DAAM1: variants seen among roughly 807,000 people sequenced by gnomAD.
The protein encoded by DAAM1 is dishevelled associated activator of morphogenesis 1.
DAAM1 carries 52 observed loss-of-function variants against 130.0 expected under a neutral mutation model. The ratio of observed to expected loss-of-function variants is 0.40; its 90% CI spans 0.32 to 0.50. The LOEUF is 0.50. DAAM1 is among the 20% of genes least tolerant of loss of function. The pLI, the probability that DAAM1 is intolerant of heterozygous loss-of-function variation, is 0.61. For missense variants in DAAM1, 1,134 were observed against 1,303.8 expected (o/e 0.87, Z 2.01); for synonymous variants, 452 against 444.5 (o/e 1.02, Z -0.21).
At chr14:59,325,309 T>C (rs1297435774) in intron 8 of DAAM1, among the ~76,000 whole-genome samples, 2 of 152,212 alleles carry the variant, frequency 1.3e-5, no homozygotes, top group African/African-American at 4.8e-5. Context: ...TCTTTTGTGA[T>C]CTTTAATTCA....
chr14:59,339,974 G>A, intron 15 of DAAM1, 100 bp from the exon 16 acceptor site: 1 of 948,462 alleles, frequency 1.1e-6, no homozygotes, highest in Non-Finnish European at 1.6e-6. Flanking sequence ...GTATACGAGT[G>A]TGTGTATGTG....
At chr14:59,350,741 C>T (rs961224923) in intron 17 of DAAM1, among the ~76,000 whole-genome samples, 1 of 152,138 alleles carries the variant, frequency 6.6e-6, no homozygotes, top group Non-Finnish European at 1.5e-5. Flanking sequence ...ATGCTGTCTT[C>T]CCATGGCCCT....
In DAAM1 at chr14:59,363,847, G is replaced by T; in HGVS notation, c.2826+65G>T. 1.9e-6 allele frequency: 3 copies of T among 1,597,628 alleles called. No homozygotes were observed. In the South Asian group the frequency reaches 3.3e-5, roughly 18 times the overall value. On this transcript the variant is annotated intron_variant, in intron 23 of 24. Transcript: ENST00000360909. ...GCTGGGCTTCAGTGTGATACTTTCA[G>T]TTATTATTCTGTACGGGAAATAGCA...
chr14:59,253,563 T>C (rs1881739861), intron 1 of DAAM1, among the ~76,000 whole-genome samples: 1 of 152,242 alleles, frequency 6.6e-6, no homozygotes. Flanking sequence ...GGCAAAATTT[T>C]GTTTCTTTAT....
chr14:59,220,760 A>G (rs1431401744), intron 1 of DAAM1, among the ~76,000 whole-genome samples: 1 of 152,100 alleles, frequency 6.6e-6, no homozygotes, highest in Non-Finnish European at 1.5e-5. Context: ...AAGACCTAAG[A>G]ACTAGGGGAT....
At chr14:59,214,410 TA>T (rs1197210282) in intron 1 of DAAM1, among the ~76,000 whole-genome samples, 1 of 152,258 alleles carries the variant, frequency 6.6e-6, no homozygotes, top group Non-Finnish European at 1.5e-5. Flanking sequence ...AAGGTCATCC[TA>T]TTTGAAGAGA....
At position 59,231,131 on chromosome 14, in the gene DAAM1, ACTTC is replaced by A. The variant is rs1331611549; in HGVS notation, c.-37-32306_-37-32303del. Among the ~76,000 whole-genome samples, 3 of 152,186 alleles carry A rather than the reference ACTTC, an allele frequency of 2.0e-5. No individual in the cohort carries two copies. The East Asian group carries it at 5.8e-4, about 29-fold the overall frequency. ...AACACACAAGAATATATTCATTTCCACTTCCTTTTTCTTCAAACATATGGCACAG... is the reference window on the plus strand; with the variant it reads ...AACACACAAGAATATATTCATTTCCACTTTTTCTTCAAACATATGGCACAG... On this transcript the variant is annotated intron_variant, in intron 1 of 24. Transcript: ENST00000360909.
chr14:59,250,467 A>G (rs1407427048), intron 1 of DAAM1, among the ~76,000 whole-genome samples: 1 of 152,260 alleles, frequency 6.6e-6, no homozygotes, highest in African/African-American at 2.4e-5. Context: ...GGTTTCAAGT[A>G]TGCACAAAAA....
chr14:59,277,035 A>G (rs527846202), intron 2 of DAAM1, among the ~76,000 whole-genome samples: 8 of 152,318 alleles, frequency 5.3e-5, no homozygotes, highest in African/African-American at 1.9e-4. Context: ...TATTAGCCAA[A>G]AACTTGTATT....
chr14:59,241,676 C>T (rs1881124338), intron 1 of DAAM1, among the ~76,000 whole-genome samples: 1 of 152,172 alleles, frequency 6.6e-6, no homozygotes, highest in South Asian at 2.1e-4. Context: ...GGAAGAGCTT[C>T]CCTGTGTCTT....
intron 1 of DAAM1, among the ~76,000 whole-genome samples, chr14:59,203,158 ATTTTT>A (rs57437992): frequency 3.7e-5 from 4 of 108,116 alleles, no homozygotes; most frequent in African/African-American, 3.4e-5. Flanking sequence ...CTTCTGGCTA[ATTTTT>A]TTTTTTTTTT....
Position 59,189,130 on chromosome 14 carries a change from A to G in DAAM1, c.-38+362A>G, listed in dbSNP as rs544177709. Among the ~76,000 whole-genome samples the G allele has an allele frequency of 1.9e-3, 285 of 152,064 alleles. 1 individual carries two copies. The highest frequency in any genetic ancestry group is 6.4e-3 in the African/African-American group (265 of 41,472). ...GGGGTAACACTCGCCGCCTTGCTGA[A>G]GGCTCCCCGGGGCTGGGGCCGCGGG... On this transcript the variant is annotated intron_variant, in intron 1 of 24. Coordinates refer to ENST00000360909, the MANE Select transcript of DAAM1 (RefSeq NM_001270520.2).
intron 15 of DAAM1, among the ~76,000 whole-genome samples, chr14:59,333,026 G>C (rs1399532311): frequency 6.6e-6 from 1 of 152,052 alleles, no homozygotes; most frequent in East Asian, 1.9e-4. Flanking sequence ...GAAATACTGA[G>C]CACCAAAAGA....
At chr14:59,207,387 G>A (rs1888292195) in intron 1 of DAAM1, among the ~76,000 whole-genome samples, 2 of 152,126 alleles carry the variant, frequency 1.3e-5, no homozygotes, top group Non-Finnish European at 1.5e-5. Flanking sequence ...TAGTCCAACA[G>A]GTTCTCAAAC....
intron 1 of DAAM1, among the ~76,000 whole-genome samples, chr14:59,208,942 G>A (rs1012674752): frequency 6.6e-6 from 1 of 152,172 alleles, no homozygotes; most frequent in Non-Finnish European, 1.5e-5. Context: ...TGCTGTGATT[G>A]TAAGCTTCCT....
intron 1 of DAAM1, among the ~76,000 whole-genome samples, chr14:59,213,072 A>T (rs914965538): frequency 6.6e-6 from 1 of 151,998 alleles, no homozygotes; most frequent in African/African-American, 2.4e-5. Context: ...AGGGATTAGA[A>T]ATCGTTAGTC....
chr14:59,323,427 C>G (rs1885095218), intron 6 of DAAM1, among the ~76,000 whole-genome samples: 1 of 152,114 alleles, frequency 6.6e-6, no homozygotes, highest in Non-Finnish European at 1.5e-5. Context: ...GAATCTGGGC[C>G]TTTAGATTTG....
chr14:59,240,362 A>G (rs188876774), intron 1 of DAAM1, among the ~76,000 whole-genome samples: 3 of 152,338 alleles, frequency 2.0e-5, no homozygotes, highest in Admixed American at 1.3e-4. Flanking sequence ...GGTGCTCAGT[A>G]AATGTTAGTT....
chr14:59,342,320 G>A (rs1408052269), intron 16 of DAAM1, among the ~76,000 whole-genome samples: 2 of 152,178 alleles, frequency 1.3e-5, no homozygotes, highest in African/African-American at 4.8e-5. Context: ...TCCCATGGAT[G>A]ATTCAGTGCC....
Sources: gnomAD v4.1 joint callset for allele counts (sites outside exome capture counted in the v4.1 genomes callset) on GRCh38, gnomAD v4.1.1 for gene constraint, MANE v1.5 for transcripts, NCBI Gene and HGNC (gene_info 2026-07-23, HGNC 2026-07-21) for gene names.